The following SDK1 variants were observed in gnomAD, a reference collection of about 807,000 sequenced individuals.
The protein encoded by SDK1 is sidekick cell adhesion molecule 1, also known as protein sidekick-1.
SDK1 carries 157 observed loss-of-function variants against 245.5 expected under a neutral mutation model. The observed-to-expected ratio is 0.64, with a 90% confidence interval of 0.56 to 0.73. The LOEUF (loss-of-function observed/expected upper bound fraction) is 0.73. Among genes scored for constraint, SDK1 ranks in the 30% least tolerant of loss-of-function variants. The probability of loss-of-function intolerance (pLI) is 0.00; values close to 1 mark genes in which losing one functional copy is unlikely to be tolerated. For synonymous variants in SDK1, 1,647 were observed against 1,278.5 expected, an observed-to-expected ratio of 1.29 and a Z score of -6.15; for missense variants, 3,583 against 3,002.3, an observed-to-expected ratio of 1.19 and a Z score of -4.52.
intron 1 of SDK1, among the ~76,000 whole-genome samples, chr7:3,384,991 G>A (rs1781574927): frequency 1.3e-5 from 2 of 152,082 alleles, no homozygotes; most frequent in Non-Finnish European, 2.9e-5. Flanking sequence ...GGCTTAAAGT[G>A]TGACATTCTG....
chr7:3,846,355 C>T (rs936302215), intron 5 of SDK1, among the ~76,000 whole-genome samples: 5 of 152,268 alleles, frequency 3.3e-5, no homozygotes, highest in South Asian at 4.2e-4. Flanking sequence ...TCTAAATGTG[C>T]TTGGGGAATT....
At chr7:3,314,003 A>G (rs1342559016) in intron 1 of SDK1, among the ~76,000 whole-genome samples, 1 of 152,206 alleles carries the variant, frequency 6.6e-6, no homozygotes, top group African/African-American at 2.4e-5. Context: ...TTAAAGGTAT[A>G]GTGATCAATA....
chr7:3,788,089 C>T (rs541598667), intron 4 of SDK1, among the ~76,000 whole-genome samples: 27 of 152,322 alleles, frequency 1.8e-4, no homozygotes, highest in Admixed American at 8.5e-4. Flanking sequence ...TGCAGCCCCA[C>T]CTCCCGGCCC....
chr7:3,506,660 A>G (rs1047222238), intron 1 of SDK1, among the ~76,000 whole-genome samples: 2 of 151,908 alleles, frequency 1.3e-5, no homozygotes, highest in Admixed American at 1.3e-4. Context: ...CTGCTCCCCA[A>G]CCTTCAGTTT....
intron 4 of SDK1, among the ~76,000 whole-genome samples, chr7:3,749,612 T>C (rs565853174): frequency 6.6e-6 from 1 of 152,332 alleles, no homozygotes; most frequent in African/African-American, 2.4e-5. Context: ...CATCACCTCT[T>C]AATCTGATGT....
chr7:3,667,678 C>T (rs149234647), intron 4 of SDK1, among the ~76,000 whole-genome samples: 3 of 152,332 alleles, frequency 2.0e-5, no homozygotes, highest in Non-Finnish European at 4.4e-5. Context: ...TCTAAAATAT[C>T]TTATGAATGG....
chr7:3,559,562 T>C (rs979186941), intron 1 of SDK1, among the ~76,000 whole-genome samples: 3 of 152,192 alleles, frequency 2.0e-5, no homozygotes, highest in African/African-American at 4.8e-5. Context: ...TAGTCATTCA[T>C]TGACGCTCTT....
At position 3,721,616 on chromosome 7, in the gene SDK1, A is replaced by G. The variant is rs532835285; in HGVS notation, c.713+79511A>G. Among the ~76,000 whole-genome samples, 4 of 152,242 alleles carry G rather than the reference A, an allele frequency of 2.6e-5. No individual in the cohort carries two copies. In the South Asian group the frequency reaches 8.3e-4, roughly 32 times the overall value. On this transcript the variant is annotated intron_variant, in intron 4 of 44. Coordinates refer to ENST00000404826, the MANE Select transcript of SDK1 (RefSeq NM_152744.4). ...CTCTGTTGTCTCTTCTGCTCTAACC[A>G]GGCATCAGCTATGTGGGTGTCTGGT...
rs2128246206 is a variant in SDK1, at chr7:4,266,283, A to G, written c.*899A>G. 1.0e-6 allele frequency: 1 copy of G among 985,372 alleles called. No homozygotes were observed. The highest frequency in any genetic ancestry group is 1.2e-6 in the Non-Finnish European group (1 of 829,884). The allele number at this position is 985,372 out of a possible 1,614,324, so 61.0% of individuals were successfully genotyped here. On this transcript the variant is annotated 3_prime_UTR_variant, in exon 45 of 45. Coordinates refer to ENST00000404826, the MANE Select transcript of SDK1 (RefSeq NM_152744.4). ...AAATCTTTTTATCTTTTTTTAAACT[A>G]TGTCACATGAAATGAATGCGTCTTT...
At chr7:3,365,240 A>C (rs1384694516) in intron 1 of SDK1, among the ~76,000 whole-genome samples, 2 of 152,194 alleles carry the variant, frequency 1.3e-5, no homozygotes, top group African/African-American at 4.8e-5. Flanking sequence ...GGTAGTGGAC[A>C]TGTGTCTCAA....
intron 35 of SDK1, among the ~76,000 whole-genome samples, chr7:4,189,273 T>A (rs1251272208): frequency 6.7e-6 from 1 of 148,204 alleles, no homozygotes; most frequent in African/African-American, 2.6e-5. Flanking sequence ...CGGCGGTTGC[T>A]GTGAGCCTGG....
chr7:3,958,800 A>T, intron 7 of SDK1, 131 bp from the exon 8 acceptor site: 2 of 743,556 alleles, frequency 2.7e-6, no homozygotes, highest in South Asian at 1.7e-5. Context: ...CTGAGTTTGT[A>T]TGCACGATGC....
At chr7:3,375,952 A>C (rs780622590) in intron 1 of SDK1, among the ~76,000 whole-genome samples, 70 of 152,348 alleles carry the variant, frequency 4.6e-4, no homozygotes, top group Admixed American at 1.2e-3. Flanking sequence ...AACTGATCAG[A>C]TGGATTATTC....
At chr7:4,076,325 G>A (rs766463232) in intron 20 of SDK1, among the ~76,000 whole-genome samples, 19 of 152,324 alleles carry the variant, frequency 1.2e-4, no homozygotes, top group East Asian at 1.2e-3. Context: ...AGGCCGAGGC[G>A]GGAGGATCTC....
Position 3,655,479 on chromosome 7 carries a change from A to ATG in SDK1, c.713+13375_713+13376insGT, listed in dbSNP as rs1414899350. ...TATATATATATATATATATATATAT[A>ATG]TATATATATATATATATATATATAT... On this transcript the variant is annotated intron_variant, in intron 4 of 44. Coordinates refer to ENST00000404826, the MANE Select transcript of SDK1 (RefSeq NM_152744.4). Among the ~76,000 whole-genome samples, 101 of 94,350 alleles carry ATG rather than the reference A, an allele frequency of 1.1e-3. 5 individuals carry two copies. The highest frequency in any genetic ancestry group is 3.8e-3 in the African/African-American group (96 of 24,958). 61.9% of individuals were successfully genotyped at this position (94,350 alleles called of 152,430 possible).
At chr7:3,302,548 T>G (rs1020000386) in intron 1 of SDK1, 2 of 151,892 alleles carry the variant, frequency 1.3e-5, no homozygotes, top group Non-Finnish European at 2.9e-5. Context: ...GAAATGACCT[T>G]TTGAAACGAG....
At chr7:4,098,395 A>T (rs892825903) in intron 22 of SDK1, among the ~76,000 whole-genome samples, 1 of 152,082 alleles carries the variant, frequency 6.6e-6, no homozygotes, top group Non-Finnish European at 1.5e-5. Context: ...CCCTGCTCCG[A>T]TTCCTTCATC....
intron 22 of SDK1, among the ~76,000 whole-genome samples, chr7:4,088,937 C>A (rs1162877744): frequency 6.6e-6 from 1 of 151,924 alleles, no homozygotes; most frequent in Non-Finnish European, 1.5e-5. Context: ...GAGGTGAGAC[C>A]CTTGTGGGCA....
chr7:3,497,900 A>G (rs979980127), intron 1 of SDK1, among the ~76,000 whole-genome samples: 1 of 152,222 alleles, frequency 6.6e-6, no homozygotes, highest in Non-Finnish European at 1.5e-5. Flanking sequence ...TATGTGGGCT[A>G]TGAGGTTAGG....
Sources: allele counts gnomAD v4.1 joint callset (sites outside exome capture counted in the v4.1 genomes callset), GRCh38; gene constraint gnomAD v4.1.1; transcripts MANE v1.5; gene names NCBI Gene and HGNC (gene_info 2026-07-23, HGNC 2026-07-21).